The following CNTN4 variants were observed in gnomAD, a reference collection of about 807,000 sequenced individuals.
The protein encoded by CNTN4 is contactin-4.
In CNTN4, 77 loss-of-function variants were observed where a neutral mutation model predicts 122.5. The ratio of observed to expected loss-of-function variants is 0.63; its 90% CI spans 0.52 to 0.76. CNTN4 has a LOEUF of 0.76. Ranked by LOEUF, CNTN4 falls within the 30% of genes least tolerant of loss-of-function variation. CNTN4 has a pLI of 0.00. For missense variants in CNTN4, 1,256 were observed against 1,259.1 expected, an observed-to-expected ratio of 1.00 and a Z score of 0.04; for synonymous variants, 512 against 447.0, an observed-to-expected ratio of 1.15 and a Z score of -1.83.
At chr3:2,779,382 A>T (rs1051947542) in intron 6 of CNTN4, among the ~76,000 whole-genome samples, 2 of 151,988 alleles carry the variant, frequency 1.3e-5, no homozygotes, top group African/African-American at 2.4e-5. Flanking sequence ...TTATTTTTGT[A>T]GAGGCTGGGT....
intron 5 of CNTN4, 56 bp from the exon 6 acceptor site, chr3:2,745,466 T>A: frequency 7.4e-7 from 1 of 1,345,910 alleles, no homozygotes; most frequent in Admixed American, 1.7e-5. Context: ...TTTAGACAAT[T>A]CAGAAATATT....
At chr3:2,519,796 T>C (rs2077146199) in intron 3 of CNTN4, among the ~76,000 whole-genome samples, 1 of 152,186 alleles carries the variant, frequency 6.6e-6, no homozygotes, top group Non-Finnish European at 1.5e-5. Context: ...ATCTATCGAA[T>C]TCATAACATC....
chr3:2,690,591 G>A (rs2085681755), intron 4 of CNTN4, among the ~76,000 whole-genome samples: 1 of 152,064 alleles, frequency 6.6e-6, no homozygotes, highest in African/African-American at 2.4e-5. Context: ...TATTTATGGG[G>A]AAGGGTCATT....
At chr3:2,199,862 G>A (rs752936537) in intron 2 of CNTN4, among the ~76,000 whole-genome samples, 1 of 152,144 alleles carries the variant, frequency 6.6e-6, no homozygotes, top group South Asian at 2.1e-4. Flanking sequence ...GGTTAAGGAC[G>A]TTCTTAACAG....
At chr3:2,251,421 C>T (rs2040374070) in intron 2 of CNTN4, among the ~76,000 whole-genome samples, 2 of 151,836 alleles carry the variant, frequency 1.3e-5, no homozygotes, top group South Asian at 4.1e-4. Context: ...AGTTTTCTCA[C>T]CTGCATTTGA....
intron 7 of CNTN4, among the ~76,000 whole-genome samples, chr3:2,821,560 AT>A (rs2092873894): frequency 6.6e-6 from 1 of 152,170 alleles, no homozygotes; most frequent in Non-Finnish European, 1.5e-5. Flanking sequence ...AAAATCAAAT[AT>A]TTTACGCAGA....
chr3:2,455,003 A>T (rs1283456556), intron 3 of CNTN4, among the ~76,000 whole-genome samples: 1 of 152,128 alleles, frequency 6.6e-6, no homozygotes. Flanking sequence ...CAGCCAAATC[A>T]CTAAATACCA....
intron 2 of CNTN4, among the ~76,000 whole-genome samples, chr3:2,325,594 C>G (rs753107017): frequency 1.3e-5 from 2 of 152,158 alleles, no homozygotes; most frequent in African/African-American, 2.4e-5. Context: ...AGCTCAAGCC[C>G]TCCAGTGGAT....
intron 2 of CNTN4, among the ~76,000 whole-genome samples, chr3:2,136,159 TC>T (rs954525774): frequency 8.5e-5 from 13 of 152,202 alleles, no homozygotes; most frequent in Admixed American, 6.5e-5. Context: ...AAGGATGTAA[TC>T]CCACGTTCTT....
chr3:2,918,293 G>A (rs924048159), intron 12 of CNTN4, among the ~76,000 whole-genome samples: 3 of 152,164 alleles, frequency 2.0e-5, no homozygotes, highest in Admixed American at 6.5e-5. Context: ...AAGCCTCAGG[G>A]AACACATTAT....
intron 6 of CNTN4, among the ~76,000 whole-genome samples, chr3:2,774,819 T>C (rs1455934740): frequency 6.6e-6 from 1 of 152,240 alleles, no homozygotes; most frequent in Admixed American, 6.5e-5. Flanking sequence ...AATACTGTTT[T>C]CTTATTTGTA....
At chr3:2,810,056 A>C (rs1186085952) in intron 6 of CNTN4, among the ~76,000 whole-genome samples, 1 of 152,224 alleles carries the variant, frequency 6.6e-6, no homozygotes, top group Non-Finnish European at 1.5e-5. Flanking sequence ...TCAGACAGTC[A>C]AACAGACCAT....
At chr3:2,468,052 G>A (rs1478746040) in intron 3 of CNTN4, among the ~76,000 whole-genome samples, 1 of 152,054 alleles carries the variant, frequency 6.6e-6, no homozygotes, top group Non-Finnish European at 1.5e-5. Context: ...TATTTTACTC[G>A]ACCATGCTGC....
At chr3:2,156,584 C>T (rs887788011) in intron 2 of CNTN4, among the ~76,000 whole-genome samples, 1 of 152,056 alleles carries the variant, frequency 6.6e-6, no homozygotes, top group Non-Finnish European at 1.5e-5. Context: ...ATATGAAGCC[C>T]GGTTTGGAGA....
chr3:2,232,331 G>A (rs531496514), intron 2 of CNTN4, among the ~76,000 whole-genome samples: 19 of 152,134 alleles, frequency 1.2e-4, no homozygotes, highest in Admixed American at 2.6e-4. Flanking sequence ...TAACAGTCAA[G>A]TATCTCTAGC....
chr3:2,138,668 T>G (rs1029441804), intron 2 of CNTN4, among the ~76,000 whole-genome samples: 7 of 152,186 alleles, frequency 4.6e-5, no homozygotes, highest in Non-Finnish European at 7.3e-5. Context: ...CTGGTTGAGC[T>G]GGGACATTGG....
intron 3 of CNTN4, among the ~76,000 whole-genome samples, chr3:2,523,677 C>T (rs1189268809): frequency 6.6e-6 from 1 of 152,026 alleles, no homozygotes; most frequent in Non-Finnish European, 1.5e-5. Flanking sequence ...AGGACGGCAA[C>T]AGAGAGTAAA....
chr3:2,590,351 G>T (rs898881826), intron 4 of CNTN4, among the ~76,000 whole-genome samples: 2 of 152,066 alleles, frequency 1.3e-5, no homozygotes, highest in Non-Finnish European at 2.9e-5. Context: ...ACGCCTCCTG[G>T]GTTCAAGCAA....
chr3:2,638,686 T>G (rs142118921), intron 4 of CNTN4, among the ~76,000 whole-genome samples: 1 of 152,330 alleles, frequency 6.6e-6, no homozygotes, highest in East Asian at 1.9e-4. Flanking sequence ...GTGTGATGAC[T>G]AACAGGCATC....
Sources: gnomAD v4.1 joint callset for allele counts (sites outside exome capture counted in the v4.1 genomes callset) on GRCh38, gnomAD v4.1.1 for gene constraint, MANE v1.5 for transcripts, NCBI Gene and HGNC (gene_info 2026-07-23, HGNC 2026-07-21) for gene names.